Variants in SLC26A5 observed in about 807,000 individuals in gnomAD.
The protein encoded by SLC26A5 is solute carrier family 26 member 5, also known as prestin.
SLC26A5 carries 51 observed loss-of-function variants against 81.0 expected under a neutral mutation model. The ratio of observed to expected loss-of-function variants is 0.63; its 90% CI spans 0.50 to 0.80. SLC26A5 has a LOEUF of 0.80. Ranked by LOEUF, SLC26A5 falls within the 30% of genes least tolerant of loss-of-function variation. SLC26A5 has a pLI of 0.00. For synonymous variants in SLC26A5, 325 were observed against 332.8 expected (o/e 0.98, Z 0.25); for missense variants, 771 against 905.8 (o/e 0.85, Z 1.91).
chr7:103,369,190 A>C (rs1468322081), intron 19 of SLC26A5: 1 of 152,202 alleles, frequency 6.6e-6, no homozygotes, highest in African/African-American at 2.4e-5. Context: ...CCTTTTATAA[A>C]ATCCAACCAA....
chr7:103,396,146 C>T (rs754658007), intron 9 of SLC26A5, among the ~76,000 whole-genome samples: 3 of 152,144 alleles, frequency 2.0e-5, no homozygotes, highest in Non-Finnish European at 4.4e-5. Context: ...TTGTTTTGCT[C>T]TTAAATCCCA....
Position 103,374,483 on chromosome 7 carries a change from C to G in SLC26A5, c.2151G>C (p.Glu717Asp). The change falls in exon 20 of 20, where the codon GAG becomes GAC. Residue 717 changes from glutamate to aspartate, a missense_variant. Glu to Asp is a conservative substitution (Grantham distance 45). Transcript: ENST00000306312. ...CCGAGGCTTCCTGTTCAGCAAGTGC[C>G]TCTCTAAGTTGGCTGCCTAAAACTG... ...HDAVLGSQLR[E>D]ALAEQEASAP... 6.2e-7 allele frequency: 1 copy of G among 1,613,732 alleles called. No individual in the cohort carries two copies. Among genetic ancestry groups the G allele is most frequent in the Admixed American group, 1.7e-5 (1 of 60,022 alleles).
intron 14 of SLC26A5, among the ~76,000 whole-genome samples, chr7:103,381,069 CACACT>C (rs1004772838): frequency 7.3e-5 from 11 of 150,962 alleles, no homozygotes; most frequent in Admixed American, 6.6e-4. Context: ...ACAATATACA[CACACT>C]ACACTACATA....
chr7:103,385,067 T>C (rs989280553), intron 14 of SLC26A5, among the ~76,000 whole-genome samples: 13 of 152,166 alleles, frequency 8.5e-5, no homozygotes, highest in African/African-American at 3.1e-4. Context: ...TTGTGAGCTT[T>C]GGGGGGCAGA....
chr7:103,378,800 T>C (rs1821553585), intron 16 of SLC26A5, among the ~76,000 whole-genome samples: 1 of 152,204 alleles, frequency 6.6e-6, no homozygotes, highest in Admixed American at 6.5e-5. Flanking sequence ...AGAGCAGTCT[T>C]TTTCAAGTTC....
rs1824262390 is a variant in SLC26A5 at position 103,408,809 on chromosome 7, C to T, written c.736-806G>A. ...TCCACTTAATTATATCCTAGGGTTA[C>T]CAACTGGGCACCTCAAATATAGTCA... On this transcript the variant is annotated intron_variant, in intron 7 of 19. Coordinates refer to ENST00000306312, the MANE Select transcript of SLC26A5 (RefSeq NM_198999.3). 2.0e-5 allele frequency among the ~76,000 whole-genome samples: 3 copies of T among 152,232 alleles called. No homozygotes were observed. In the South Asian group the frequency reaches 6.2e-4, roughly 32 times the overall value.
At chr7:103,405,322 A>G (rs902288421) in intron 8 of SLC26A5, among the ~76,000 whole-genome samples, 1 of 152,096 alleles carries the variant, frequency 6.6e-6, no homozygotes, top group Non-Finnish European at 1.5e-5. Flanking sequence ...TCATGGATTT[A>G]TCTACCTTTG....
At chr7:103,438,213 T>G (rs1292828939) in intron 2 of SLC26A5, among the ~76,000 whole-genome samples, 1 of 152,108 alleles carries the variant, frequency 6.6e-6, no homozygotes. Context: ...AATTTCAAAT[T>G]ATAAAAACCA....
chr7:103,355,427 G>A (rs1013225411), intron 19 of SLC26A5, among the ~76,000 whole-genome samples: 2 of 152,110 alleles, frequency 1.3e-5, no homozygotes, highest in Admixed American at 1.3e-4. Flanking sequence ...TTCAGCTGGG[G>A]TGATTTTGCC....
Position 103,421,396 on chromosome 7 carries a change from T to G in SLC26A5, c.119A>C (p.Asp40Ala). 3.1e-6 allele frequency: 5 copies of G among 1,614,112 alleles called. No homozygotes were observed. In the South Asian group the frequency reaches 4.4e-5, roughly 14 times the overall value. ...ERLHTKDKVPDSIADKLKQAF... is the reference protein window; with the variant it reads ...ERLHTKDKVPASIADKLKQAF... Reference sequence around the variant, plus strand: ...CTGTTTCAGCTTATCCGCAATGGAATCAGGAACCTTGTCCTTTGTGTGTAG... The same window carrying G: ...CTGTTTCAGCTTATCCGCAATGGAAGCAGGAACCTTGTCCTTTGTGTGTAG... Residue 40 changes from aspartate (D) to alanine (A), a missense_variant, in exon 3 of 20, where the codon GAT becomes GCT. By Grantham distance (126) the Asp-to-Ala change is moderately radical. Transcript: ENST00000306312.
At chr7:103,356,363 G>C (rs1326412356) in intron 19 of SLC26A5, among the ~76,000 whole-genome samples, 1 of 152,052 alleles carries the variant, frequency 6.6e-6, no homozygotes, top group Non-Finnish European at 1.5e-5. Context: ...CATTTCTGTA[G>C]GCTAGCTTAC....
intron 19 of SLC26A5, chr7:103,368,105 T>C: frequency 6.7e-7 from 1 of 1,488,062 alleles, no homozygotes; most frequent in Non-Finnish European, 9.1e-7. Flanking sequence ...TAACCTTATA[T>C]AGACTTGTTA....
Position 103,425,638 on chromosome 7 carries a change from T to C in SLC26A5, c.-53-4071A>G, listed in dbSNP as rs560763434. Among the ~76,000 whole-genome samples, 55 of 152,232 alleles carry C rather than the reference T, an allele frequency of 3.6e-4. No homozygotes were observed. The South Asian group carries it at 5.0e-3, about 14-fold the overall frequency. Reference sequence around the variant, plus strand: ...TTTATATTATACATCATATATAGAATATATAATACAAAATAATAAATGTAA... The same window carrying C: ...TTTATATTATACATCATATATAGAACATATAATACAAAATAATAAATGTAA... On this transcript the variant is annotated intron_variant, in intron 2 of 19. Transcript: ENST00000306312.
Position 103,380,770 on chromosome 7 carries a change from C to CCA in SLC26A5, c.1515-223_1515-222dup, listed in dbSNP as rs558376546. The stretch of plus-strand genomic sequence containing the variant: ...CCTCATGCCACATACACATCACATG[C>CCA]CACACACACACATACATACCACACA... On this transcript the variant is annotated intron_variant, in intron 14 of 19. Coordinates refer to ENST00000306312, the MANE Select transcript of SLC26A5 (RefSeq NM_198999.3). 2.2e-4 allele frequency among the ~76,000 whole-genome samples: 33 copies of CCA among 151,578 alleles called. No individual in the cohort carries two copies. In the South Asian group the frequency reaches 6.3e-3, roughly 29 times the overall value.
intron 7 of SLC26A5, among the ~76,000 whole-genome samples, chr7:103,408,543 C>T (rs948349501): frequency 6.6e-6 from 1 of 152,090 alleles, no homozygotes; most frequent in Non-Finnish European, 1.5e-5. Flanking sequence ...TTATTCTTAT[C>T]AAACAATTAT....
chr7:103,443,790 C>T (rs551811511), intron 1 of SLC26A5, among the ~76,000 whole-genome samples: 5 of 152,312 alleles, frequency 3.3e-5, no homozygotes, highest in African/African-American at 9.6e-5. Context: ...ACCCACATTG[C>T]TTCATTTCCC....
rs10592922 is a variant in SLC26A5 at position 103,428,558 on chromosome 7, CTTT to C, written c.-53-6994_-53-6992del. ...GAACACAAGGTCTACCCTGCCAGTACTTTTTTTTTTTTTTTTTTTTTGAAACAG... is the reference window on the plus strand; with the variant it reads ...GAACACAAGGTCTACCCTGCCAGTACTTTTTTTTTTTTTTTTTTGAAACAG... On this transcript the variant is annotated intron_variant, in intron 2 of 19. Coordinates refer to ENST00000306312, the MANE Select transcript of SLC26A5 (RefSeq NM_198999.3). 5.1e-3 allele frequency among the ~76,000 whole-genome samples: 599 copies of C among 118,054 alleles called. 1 individual carries two copies. The highest frequency in any genetic ancestry group is 0.015 in the African/African-American group (432 of 28,132). The allele number at this position is 118,054 out of a possible 152,430, so 77.4% of individuals were successfully genotyped here. A position where few individuals can be genotyped will look rare whatever the true frequency, so the allele number is the denominator to read the frequency against.
intron 4 of SLC26A5, among the ~76,000 whole-genome samples, chr7:103,419,826 C>T (rs1825198185): frequency 6.6e-6 from 1 of 152,066 alleles, no homozygotes; most frequent in Non-Finnish European, 1.5e-5. Flanking sequence ...GCGTAAGCCA[C>T]CACAGCCGGC....
At chr7:103,370,720 A>G (rs1820985986), downstream of SLC26A5, among the ~76,000 whole-genome samples, 1 of 152,202 alleles carries the variant, frequency 6.6e-6, no homozygotes, top group Admixed American at 6.5e-5. Flanking sequence ...ATACAGAGTC[A>G]GTGTCTAAGA....
Sources: allele counts gnomAD v4.1 joint callset (sites outside exome capture counted in the v4.1 genomes callset), GRCh38; gene constraint gnomAD v4.1.1; transcripts MANE v1.5; gene names NCBI Gene and HGNC (gene_info 2026-07-23, HGNC 2026-07-21).